Variants in MDN1 observed in about 807,000 individuals in gnomAD.
The protein encoded by MDN1 is midasin AAA ATPase 1.
A neutral mutation model predicts 669.2 loss-of-function variants in MDN1; 266 were observed. That is an observed-to-expected ratio of 0.40 (90% CI 0.36 to 0.44). MDN1 has a LOEUF of 0.44. MDN1 is among the 20% of genes least tolerant of loss of function. The probability of loss-of-function intolerance (pLI) is 1.00; values close to 1 mark genes in which losing one functional copy is unlikely to be tolerated. For missense variants in MDN1, 5,940 were observed against 6,754.0 expected (o/e 0.88, Z 4.22); for synonymous variants, 2,385 against 2,457.1 (o/e 0.97, Z 0.87).
chr6:89,646,807 A>AT (rs1562028619), intron 99 of MDN1, among the ~76,000 whole-genome samples: 1 of 152,024 alleles, frequency 6.6e-6, no homozygotes, highest in Non-Finnish European at 1.5e-5. Flanking sequence ...TTTAATTATT[A>AT]TTTTTTGAGA....
intron 19 of MDN1, among the ~76,000 whole-genome samples, chr6:89,757,630 G>A (rs1424309226): frequency 6.6e-6 from 1 of 152,170 alleles, no homozygotes; most frequent in East Asian, 1.9e-4. Flanking sequence ...TATAAATAAA[G>A]AGAATCTAAA....
At chr6:89,811,876 C>T (rs1362408969) in intron 1 of MDN1, among the ~76,000 whole-genome samples, 1 of 152,122 alleles carries the variant, frequency 6.6e-6, no homozygotes, top group Non-Finnish European at 1.5e-5. Context: ...TGTATTTTCT[C>T]ACTTCTCTTA....
chr6:89,747,599 A>T, intron 26 of MDN1, 129 bp from the exon 27 acceptor site: 2 of 1,163,754 alleles, frequency 1.7e-6, no homozygotes, highest in Non-Finnish European at 2.3e-6. Context: ...ACTGAATAAG[A>T]TTAATTTTTT....
intron 61 of MDN1, 120 bp from the exon 62 acceptor site, chr6:89,694,303 A>G: frequency 1.3e-6 from 1 of 771,366 alleles, no homozygotes. Flanking sequence ...TGAATGACCC[A>G]AGGAGAGGTG....
intron 39 of MDN1, 67 bp downstream of exon 39, chr6:89,723,445 A>G (rs1215517476): frequency 2.0e-6 from 2 of 984,342 alleles, no homozygotes; most frequent in Non-Finnish European, 3.0e-6. Flanking sequence ...GTAGAACTCT[A>G]TGTTGAAAAA....
At chr6:89,811,051 A>G (rs1028217728) in intron 1 of MDN1, among the ~76,000 whole-genome samples, 5 of 152,162 alleles carry the variant, frequency 3.3e-5, no homozygotes, top group African/African-American at 1.2e-4. Flanking sequence ...CTCATTTCCA[A>G]ATAGGGTCAC....
At chr6:89,669,279 A>G (rs1406708677) in intron 83 of MDN1, among the ~76,000 whole-genome samples, 1 of 152,208 alleles carries the variant, frequency 6.6e-6, no homozygotes, top group Non-Finnish European at 1.5e-5. Flanking sequence ...TCCTGCCACT[A>G]TCTTTAGTAT....
chr6:89,705,175 A>G (rs1389080063), intron 53 of MDN1, among the ~76,000 whole-genome samples: 2 of 152,188 alleles, frequency 1.3e-5, no homozygotes, highest in Admixed American at 1.3e-4. Flanking sequence ...CTCAAATTTT[A>G]CTTTAGAAAT....
chr6:89,689,995 T>A lies in MDN1; in HGVS notation c.10898A>T (p.Asn3633Ile), dbSNP rs766813347. 1.2e-6 allele frequency: 2 copies of A among 1,614,194 alleles called. No homozygotes were observed. Residue 3633 changes from asparagine (N) to isoleucine (I), a missense_variant, in exon 65 of 102, where the codon AAC (asparagine) becomes ATC (isoleucine). Around this residue, in one of 5 missense-constraint regions of MDN1, gnomAD observed 2,280 missense variants for 2,576.3 expected, o/e 0.88. Coordinates refer to ENST00000369393, the MANE Select transcript of MDN1 (RefSeq NM_014611.3). ...TTGATACCAGAGGGATCGAGCAAAG[T>A]TGAGACACAATTGCTGGTGTATCAG... is the stretch of plus-strand genomic sequence containing the variant. Reference protein sequence around the residue: ...VMLIHQQLCLNFARSLWYQQT... With the variant: ...VMLIHQQLCLIFARSLWYQQT...
intron 88 of MDN1, among the ~76,000 whole-genome samples, chr6:89,660,348 C>G (rs892787924): frequency 1.1e-4 from 16 of 152,040 alleles, no homozygotes; most frequent in African/African-American, 3.6e-4. Context: ...TAATGCCCAA[C>G]TAATTTTTTT....
At chr6:89,743,116 T>TATCAAACACAAGGCAAACCTCTC (rs1440553268) in intron 31 of MDN1, 34 bp downstream of exon 31, 4 of 1,597,896 alleles carry the variant, frequency 2.5e-6, no homozygotes, top group Non-Finnish European at 3.4e-6. Flanking sequence ...CCAACAAAAA[T>TATCAAACACAAGGCAAACCTCTC]ATCAAACACA....
chr6:89,715,946 T>C (rs1331443204), intron 44 of MDN1, among the ~76,000 whole-genome samples, 177 bp from the exon 45 acceptor site: 1 of 152,224 alleles, frequency 6.6e-6, no homozygotes, highest in African/African-American at 2.4e-5. Context: ...TCCTTCTCGC[T>C]TCCCTAGGCA....
intron 29 of MDN1, 103 bp downstream of exon 29, chr6:89,745,170 G>T: frequency 8.8e-7 from 1 of 1,130,414 alleles, no homozygotes; most frequent in Non-Finnish European, 1.2e-6. Flanking sequence ...GAGGAAGGAG[G>T]AAAGAAGGGG....
intron 100 of MDN1, among the ~76,000 whole-genome samples, chr6:89,645,820 C>G (rs1562027523): frequency 6.6e-6 from 1 of 152,190 alleles, no homozygotes; most frequent in Non-Finnish European, 1.5e-5. Flanking sequence ...GAATAACTTG[C>G]TTCCATCAAA....
chr6:89,650,071 A>C lies in MDN1; in HGVS notation c.16159T>G (p.Leu5387Val), dbSNP rs1441013793. Residue 5387 changes from leucine to valine, a missense_variant, in exon 97 of 102, where the codon TTG becomes GTG. This residue lies in a region of MDN1 where 2,280 missense variants were observed against 2,576.3 expected (regional missense o/e 0.88). Coordinates refer to ENST00000369393, the MANE Select transcript of MDN1 (RefSeq NM_014611.3). ...ATACTAGAAGAGTCATCGATAGCCAAACAAATCTGATACTGGCGTTTACTG... is the reference window on the plus strand; with the variant it reads ...ATACTAGAAGAGTCATCGATAGCCACACAAATCTGATACTGGCGTTTACTG... ...KPSKRQYQIC[L>V]AIDDSSSMVD... is the part of the protein sequence containing the mutation. 6.2e-7 allele frequency: 1 copy of C among 1,614,038 alleles called. No individual in the cohort carries two copies. Among genetic ancestry groups the C allele is most frequent in the African/African-American group, 1.3e-5 (1 of 74,924 alleles).
intron 33 of MDN1, among the ~76,000 whole-genome samples, chr6:89,737,027 C>A (rs1413739083): frequency 6.6e-6 from 1 of 152,144 alleles, no homozygotes; most frequent in Non-Finnish European, 1.5e-5. Flanking sequence ...CTTCAACAAG[C>A]CCTCCAAATG....
rs750559692 is a variant in MDN1, at chr6:89,673,393, T to C, written c.13317A>G (p.Leu4439=). 1 of 1,614,196 alleles carries C rather than the reference T, an allele frequency of 6.2e-7. No individual in the cohort carries two copies. Among genetic ancestry groups the C allele is most frequent in the Admixed American group, 1.7e-5 (1 of 60,024 alleles). The part of the protein sequence containing the change: ...LSQVSVHLQG[L]ESLFILPGME... ...TCCCTGGAAGAATGAACAAGGACTC[T>C]AGGCCCTGCAAATGAACTGACACCT... The change falls in exon 80 of 102, where the codon CTA becomes CTG. Residue 4439 remains leucine (L), a synonymous_variant. Transcript: ENST00000369393.
chr6:89,753,367 C>T, intron 22 of MDN1, 145 bp downstream of exon 22: 1 of 600,614 alleles, frequency 1.7e-6, no homozygotes, highest in Non-Finnish European at 2.9e-6. Context: ...ACCATCTAAA[C>T]ATATGTTTCT....
chr6:89,714,378 G>A (rs1814183301), intron 46 of MDN1, among the ~76,000 whole-genome samples, 165 bp downstream of exon 46: 1 of 152,160 alleles, frequency 6.6e-6, no homozygotes. Flanking sequence ...CTGCCCTGCT[G>A]AACCCAATCT....
Sources: gnomAD v4.1 joint callset for allele counts (sites outside exome capture counted in the v4.1 genomes callset) on GRCh38, gnomAD v4.1.1 for gene constraint, gnomAD v4.1.1 regional missense constraint, MANE v1.5 for transcripts, NCBI Gene and HGNC (gene_info 2026-07-23, HGNC 2026-07-21) for gene names.